The following MCC variants were observed in gnomAD, a reference collection of about 807,000 sequenced individuals.
The protein encoded by MCC is MCC regulator of Wnt signaling pathway, also known as colorectal mutant cancer protein.
MCC carries 90 observed loss-of-function variants against 116.2 expected under a neutral mutation model. That is an observed-to-expected ratio of 0.77 (90% confidence interval 0.65 to 0.92). The LOEUF (loss-of-function observed/expected upper bound fraction) is 0.92. MCC is among the 40% of genes least tolerant of loss of function. The pLI is 0.00. For synonymous variants in MCC, 578 were observed against 510.5 expected (o/e 1.13, Z -1.78); for missense variants, 1,516 against 1,312.2 (o/e 1.16, Z -2.40).
intron 5 of MCC, among the ~76,000 whole-genome samples, chr5:113,133,652 T>C (rs1367086425): frequency 2.0e-5 from 3 of 152,216 alleles, no homozygotes; most frequent in African/African-American, 7.2e-5. Context: ...AGTAAGGGAA[T>C]TACTGGATCA....
chr5:113,323,340 G>A (rs1209756391), intron 3 of MCC: 2 of 152,248 alleles, frequency 1.3e-5, no homozygotes, highest in African/African-American at 4.8e-5. Flanking sequence ...GCTGTAATAG[G>A]TAACTAATAC....
intron 1 of MCC, among the ~76,000 whole-genome samples, chr5:113,389,986 G>A (rs1029157965): frequency 6.6e-6 from 1 of 152,052 alleles, no homozygotes; most frequent in Non-Finnish European, 1.5e-5. Context: ...CTCTGCCCTA[G>A]GCAAGGAAAG....
At chr5:113,281,427 G>A (rs571132765) in intron 3 of MCC, among the ~76,000 whole-genome samples, 15 of 152,240 alleles carry the variant, frequency 9.9e-5, no homozygotes, top group Admixed American at 2.6e-4. Context: ...ACATGAACAC[G>A]GTCTGTTTCT....
At chr5:113,171,405 G>C (rs771857174) in intron 3 of MCC, among the ~76,000 whole-genome samples, 2 of 151,680 alleles carry the variant, frequency 1.3e-5, no homozygotes, top group Non-Finnish European at 2.9e-5. Context: ...GCCTAGGCTA[G>C]AGTGTAGTGC....
chr5:113,178,048 G>C (rs1398970595), intron 3 of MCC, among the ~76,000 whole-genome samples: 1 of 152,140 alleles, frequency 6.6e-6, no homozygotes, highest in African/African-American at 2.4e-5. Flanking sequence ...CAAAACAGTG[G>C]GTAATGTAAG....
intron 3 of MCC, chr5:113,269,284 G>A: frequency 1.2e-6 from 1 of 818,770 alleles, no homozygotes; most frequent in Non-Finnish European, 1.5e-6. Flanking sequence ...CAGGGAACCA[G>A]AGGCCAATGA....
At chr5:113,213,853 C>G (rs1012928898) in intron 3 of MCC, among the ~76,000 whole-genome samples, 4 of 152,140 alleles carry the variant, frequency 2.6e-5, no homozygotes, top group African/African-American at 7.2e-5. Flanking sequence ...CTACTTTGTC[C>G]GAAAGAGGAC....
At chr5:113,370,309 A>G (rs1049913638) in intron 2 of MCC, among the ~76,000 whole-genome samples, 2 of 152,184 alleles carry the variant, frequency 1.3e-5, no homozygotes, top group African/African-American at 4.8e-5. Flanking sequence ...CCCTTTGGAC[A>G]CTGAGGCCCA....
At chr5:113,427,637 CTTAT>C (rs1770519642) in intron 1 of MCC, among the ~76,000 whole-genome samples, 1 of 152,162 alleles carries the variant, frequency 6.6e-6, no homozygotes, top group Non-Finnish European at 1.5e-5. Flanking sequence ...TTTGGGCTTT[CTTAT>C]TTAATTAATC....
At chr5:113,471,773 G>A (rs1580419969) in intron 1 of MCC, among the ~76,000 whole-genome samples, 1 of 144,038 alleles carries the variant, frequency 6.9e-6, no homozygotes, top group Admixed American at 7.2e-5. Flanking sequence ...CAGAGAGGCA[G>A]GCAGGCCTCC....
At chr5:113,378,004 G>A (rs761823719) in intron 2 of MCC, among the ~76,000 whole-genome samples, 44 of 152,188 alleles carry the variant, frequency 2.9e-4, no homozygotes, top group Non-Finnish European at 5.3e-4. Flanking sequence ...TCACTGGGCA[G>A]TATTTTTAAC....
At chr5:113,132,385 T>C (rs1758488641) in intron 5 of MCC, among the ~76,000 whole-genome samples, 1 of 126,482 alleles carries the variant, frequency 7.9e-6, no homozygotes, top group Non-Finnish European at 1.7e-5. Context: ...TATATATACA[T>C]ACATATATAT....
intron 17 of MCC, among the ~76,000 whole-genome samples, chr5:113,031,617 A>G (rs1750961481): frequency 6.6e-6 from 1 of 152,190 alleles, no homozygotes; most frequent in African/African-American, 2.4e-5. Context: ...AAATGTAACC[A>G]CAAACTCAAT....
intron 5 of MCC, among the ~76,000 whole-genome samples, chr5:113,124,822 G>A (rs1757949404): frequency 6.6e-6 from 1 of 152,188 alleles, no homozygotes; most frequent in African/African-American, 2.4e-5. Context: ...GGAACACAAA[G>A]ACTGCACAGA....
chr5:113,118,083 C>T (rs569545639), intron 6 of MCC, among the ~76,000 whole-genome samples: 63 of 152,280 alleles, frequency 4.1e-4, no homozygotes, highest in African/African-American at 1.5e-3. Context: ...AGTGACTTAC[C>T]CTCTCCAAAC....
chr5:113,268,247 CCTAA>C (rs1186853619), intron 3 of MCC, among the ~76,000 whole-genome samples: 3 of 152,216 alleles, frequency 2.0e-5, no homozygotes, highest in Non-Finnish European at 4.4e-5. Flanking sequence ...AACATTAGTA[CCTAA>C]CTCAGCATGG....
chr5:113,322,391 T>C (rs538646071), intron 3 of MCC, among the ~76,000 whole-genome samples: 2 of 152,330 alleles, frequency 1.3e-5, no homozygotes, highest in Admixed American at 1.3e-4. Flanking sequence ...TATTGAAACA[T>C]AATTGTATAA....
intron 14 of MCC, among the ~76,000 whole-genome samples, chr5:113,059,642 T>A (rs992356174): frequency 6.6e-6 from 1 of 152,200 alleles, no homozygotes; most frequent in Admixed American, 6.5e-5. Flanking sequence ...TCGCCACACA[T>A]GTGTGTCTTG....
intron 3 of MCC, among the ~76,000 whole-genome samples, chr5:113,169,035 C>A (rs1002756896): frequency 6.6e-6 from 1 of 152,102 alleles, no homozygotes; most frequent in Non-Finnish European, 1.5e-5. Flanking sequence ...CATCACCAAT[C>A]CCCAGCCCCA....
Sources: allele counts gnomAD v4.1 joint callset (sites outside exome capture counted in the v4.1 genomes callset), GRCh38; gene constraint gnomAD v4.1.1; transcripts MANE v1.5; gene names NCBI Gene and HGNC (gene_info 2026-07-23, HGNC 2026-07-21).